ABTB3: variants seen among roughly 807,000 people sequenced by gnomAD.
The protein encoded by ABTB3 is ankyrin repeat and BTB domain containing 3.
the ABTB3 span, among the ~76,000 whole-genome samples, chr12:107,536,364 G>A: frequency 1.3e-5 from 2 of 152,028 alleles, no homozygotes; most frequent in Admixed American, 6.6e-5. Flanking sequence ...AAAAGTACAG[G>A]CAACAAAACC....
chr12:107,392,704 G>T, the ABTB3 span, among the ~76,000 whole-genome samples: 1 of 152,158 alleles, frequency 6.6e-6, no homozygotes, highest in African/African-American at 2.4e-5. Context: ...AATTTGCAAT[G>T]AAAGCCCATC....
the ABTB3 span, among the ~76,000 whole-genome samples, chr12:107,587,204 G>A: frequency 6.6e-6 from 1 of 152,238 alleles, no homozygotes; most frequent in African/African-American, 2.4e-5. Flanking sequence ...CTACGCAAAA[G>A]AACTTTGGCA....
At chr12:107,325,872 T>G in the ABTB3 span, among the ~76,000 whole-genome samples, 1 of 152,208 alleles carries the variant, frequency 6.6e-6, no homozygotes, top group Non-Finnish European at 1.5e-5. Context: ...TTTAAGAGCT[T>G]TATGTATTAT....
At chr12:107,600,677 C>T in the ABTB3 span, among the ~76,000 whole-genome samples, 1 of 152,238 alleles carries the variant, frequency 6.6e-6, no homozygotes, top group African/African-American at 2.4e-5. Flanking sequence ...GACTTTTCCT[C>T]TCACACAGCT....
At chr12:107,514,358 C>G in the ABTB3 span, among the ~76,000 whole-genome samples, 1 of 151,292 alleles carries the variant, frequency 6.6e-6, no homozygotes, top group Admixed American at 6.6e-5. Flanking sequence ...CCCCCTTAGA[C>G]AAATGCACAA....
the ABTB3 span, among the ~76,000 whole-genome samples, chr12:107,444,107 G>C: frequency 6.6e-6 from 1 of 152,192 alleles, no homozygotes; most frequent in East Asian, 1.9e-4. Flanking sequence ...AGCCTGATTG[G>C]CTCAGGAACC....
chr12:107,330,302 A>C, the ABTB3 span, among the ~76,000 whole-genome samples: 1 of 152,156 alleles, frequency 6.6e-6, no homozygotes, highest in South Asian at 2.1e-4. Flanking sequence ...TTTGTGTTCT[A>C]AAAAGATCAT....
the ABTB3 span, among the ~76,000 whole-genome samples, chr12:107,508,438 C>CTT: frequency 3.0e-3 from 208 of 69,162 alleles, 33 homozygotes; most frequent in Middle Eastern, 0.03. Flanking sequence ...AAGATCATTT[C>CTT]TTTTTTTTTT....
the ABTB3 span, among the ~76,000 whole-genome samples, chr12:107,616,140 A>G: frequency 2.6e-5 from 4 of 152,130 alleles, no homozygotes; most frequent in Admixed American, 6.5e-5. Flanking sequence ...CTGGTAGAGG[A>G]AACTAAGAAA....
the ABTB3 span, among the ~76,000 whole-genome samples, chr12:107,412,574 A>G: frequency 6.6e-6 from 1 of 152,116 alleles, no homozygotes; most frequent in Non-Finnish European, 1.5e-5. Flanking sequence ...TGGGGCCCCA[A>G]GAGATAAGGG....
chr12:107,613,311 G>T, the ABTB3 span, among the ~76,000 whole-genome samples: 34 of 152,120 alleles, frequency 2.2e-4, no homozygotes, highest in African/African-American at 7.2e-4. Flanking sequence ...TCTTCCTCCC[G>T]CAGATCCTCC....
chr12:107,336,646 A>G, the ABTB3 span, among the ~76,000 whole-genome samples: 6 of 152,210 alleles, frequency 3.9e-5, no homozygotes, highest in African/African-American at 1.2e-4. Context: ...CACTCATCAG[A>G]TTATACTGAA....
the ABTB3 span, among the ~76,000 whole-genome samples, chr12:107,369,619 G>A: frequency 2.0e-5 from 3 of 149,454 alleles, no homozygotes; most frequent in African/African-American, 4.9e-5. Context: ...GGCTGGTCTC[G>A]AACTCCTGAC....
chr12:107,604,047 T>G, the ABTB3 span, among the ~76,000 whole-genome samples: 3 of 151,910 alleles, frequency 2.0e-5, no homozygotes, highest in Non-Finnish European at 2.9e-5. Flanking sequence ...CGGGCACCTG[T>G]AGTCCTAGCT....
the ABTB3 span, among the ~76,000 whole-genome samples, chr12:107,323,480 T>C: frequency 6.6e-6 from 1 of 152,252 alleles, no homozygotes; most frequent in African/African-American, 2.4e-5. Context: ...GCATGAACTT[T>C]GTGGTTATGT....
At chr12:107,557,974 G>T in the ABTB3 span, among the ~76,000 whole-genome samples, 1 of 152,260 alleles carries the variant, frequency 6.6e-6, no homozygotes, top group African/African-American at 2.4e-5. Flanking sequence ...CCAGAATGGA[G>T]AAAGAGTGCA....
chr12:107,594,764 A>G, the ABTB3 span, among the ~76,000 whole-genome samples: 3 of 152,110 alleles, frequency 2.0e-5, no homozygotes, highest in African/African-American at 7.2e-5. Context: ...TTGCCATTTC[A>G]TGACTCATTT....
At chr12:107,445,867 TCTCC>T in the ABTB3 span, among the ~76,000 whole-genome samples, 1 of 76,612 alleles carries the variant, frequency 1.3e-5, no homozygotes, top group African/African-American at 6.2e-5. Context: ...CAAATCTCCC[TCTCC>T]CCTCTCCCCT....
At chr12:107,637,148 T>C in the ABTB3 span, among the ~76,000 whole-genome samples, 2 of 152,214 alleles carry the variant, frequency 1.3e-5, no homozygotes, top group African/African-American at 4.8e-5. Flanking sequence ...TCTTCATAAA[T>C]TCACTCATTT....
Sources: gnomAD v4.1 joint callset for allele counts (sites outside exome capture counted in the v4.1 genomes callset) on GRCh38, gnomAD v4.1.1 for gene constraint, MANE v1.5 for transcripts, NCBI Gene and HGNC (gene_info 2026-07-23, HGNC 2026-07-21) for gene names.